The following MACROD2 variants were observed in gnomAD, a reference collection of about 807,000 sequenced individuals.
MACROD2 encodes the protein ADP-ribose glycohydrolase MACROD2.
MACROD2 carries 36 observed loss-of-function variants against 70.4 expected under a neutral mutation model. The ratio of observed to expected loss-of-function variants is 0.51; its 90% CI spans 0.39 to 0.68. The LOEUF (loss-of-function observed/expected upper bound fraction) is 0.68, where lower values mean the gene tolerates loss of function less well. Ranked by LOEUF, MACROD2 falls within the 30% of genes least tolerant of loss-of-function variation. The pLI, the probability that MACROD2 is intolerant of heterozygous loss-of-function variation, is 0.00. For missense variants in MACROD2, 496 were observed against 538.4 expected (o/e 0.92, Z 0.78); for synonymous variants, 172 against 178.8 (o/e 0.96, Z 0.30).
intron 7 of MACROD2, among the ~76,000 whole-genome samples, chr20:15,495,727 C>G (rs989149065): frequency 6.6e-6 from 1 of 152,182 alleles, no homozygotes; most frequent in Admixed American, 6.5e-5. Context: ...AGGGTTTTCA[C>G]TCTATTAAGG....
chr20:15,457,075 TAA>T (rs1169271655), intron 7 of MACROD2, among the ~76,000 whole-genome samples: 4 of 90,754 alleles, frequency 4.4e-5, no homozygotes, highest in African/African-American at 1.7e-4. Flanking sequence ...TTTTTTTTTT[TAA>T]AAAAAAAGCA....
At chr20:14,541,324 T>A (rs2085429242) in intron 4 of MACROD2, among the ~76,000 whole-genome samples, 1 of 152,118 alleles carries the variant, frequency 6.6e-6, no homozygotes, top group Non-Finnish European at 1.5e-5. Context: ...GGATCTCTCA[T>A]CCCCAGGATA....
At chr20:15,357,932 G>A (rs953353457) in intron 6 of MACROD2, among the ~76,000 whole-genome samples, 5 of 150,938 alleles carry the variant, frequency 3.3e-5, no homozygotes, top group African/African-American at 1.2e-4. Flanking sequence ...TCAGCCTCCC[G>A]ATTAGCTGGG....
chr20:14,465,357 C>T (rs1195111405), intron 3 of MACROD2, among the ~76,000 whole-genome samples: 1 of 151,982 alleles, frequency 6.6e-6, no homozygotes, highest in Non-Finnish European at 1.5e-5. Context: ...AGGATTGCAA[C>T]CCCTGCCTTT....
intron 3 of MACROD2, among the ~76,000 whole-genome samples, chr20:14,450,773 A>G (rs2084236360): frequency 6.6e-6 from 1 of 152,084 alleles, no homozygotes; most frequent in Admixed American, 6.6e-5. Context: ...CCTACTGAGA[A>G]ACATTAACAT....
intron 5 of MACROD2, among the ~76,000 whole-genome samples, chr20:14,866,544 A>G (rs2073429753): frequency 6.6e-6 from 1 of 152,154 alleles, no homozygotes; most frequent in African/African-American, 2.4e-5. Context: ...TTCATAATTT[A>G]GTAGATGACA....
rs925019703 is a variant in MACROD2 at position 15,191,925 on chromosome 20, TATATA to T, written c.419-38014_419-38010del. Among the ~76,000 whole-genome samples the T allele has an allele frequency of 1.8e-4, 10 of 55,036 alleles. 1 individual carries two copies. The highest frequency in any genetic ancestry group is 5.4e-4 in the African/African-American group (10 of 18,626). 36.1% of individuals were successfully genotyped at this position (55,036 alleles called of 152,430 possible). The stretch of plus-strand genomic sequence containing the variant: ...AAAACTACACATATGTGTATATATA[TATATA>T]TAGAGAGAGAGAGAGTTAATACATA... On this transcript the variant is annotated intron_variant, in intron 5 of 17. Coordinates refer to ENST00000684519, the MANE Select transcript of MACROD2 (RefSeq NM_001351661.2).
intron 4 of MACROD2, among the ~76,000 whole-genome samples, chr20:14,580,998 A>T (rs1192661185): frequency 6.6e-6 from 1 of 152,212 alleles, no homozygotes; most frequent in Non-Finnish European, 1.5e-5. Context: ...CTGTGAGAAT[A>T]TAAAACGAGT....
intron 8 of MACROD2, among the ~76,000 whole-genome samples, chr20:15,734,183 C>T (rs1184236179): frequency 6.6e-6 from 1 of 152,148 alleles, no homozygotes; most frequent in African/African-American, 2.4e-5. Context: ...TGCAAAGGCA[C>T]TAAGACCTGG....
chr20:14,178,290 A>G (rs2081279403), intron 3 of MACROD2, among the ~76,000 whole-genome samples: 1 of 152,228 alleles, frequency 6.6e-6, no homozygotes, highest in African/African-American at 2.4e-5. Flanking sequence ...ATAGATATGT[A>G]TTGAAATATC....
At chr20:15,529,778 C>T (rs1296459850) in intron 8 of MACROD2, among the ~76,000 whole-genome samples, 1 of 152,166 alleles carries the variant, frequency 6.6e-6, no homozygotes, top group East Asian at 1.9e-4. Context: ...CACCTTTGAC[C>T]GATTATGTTG....
chr20:14,027,756 A>G (rs564828614), intron 2 of MACROD2, among the ~76,000 whole-genome samples: 1 of 152,254 alleles, frequency 6.6e-6, no homozygotes, highest in East Asian at 1.9e-4. Context: ...CAGAACAGCA[A>G]AGATTGCTGC....
At chr20:15,727,933 G>A (rs1306460763) in intron 8 of MACROD2, among the ~76,000 whole-genome samples, 1 of 152,056 alleles carries the variant, frequency 6.6e-6, no homozygotes, top group Non-Finnish European at 1.5e-5. Context: ...TCTCTTGCCT[G>A]ATTGCTCTGA....
intron 8 of MACROD2, among the ~76,000 whole-genome samples, chr20:15,605,496 G>C (rs994417508): frequency 6.7e-6 from 1 of 149,716 alleles, no homozygotes; most frequent in African/African-American, 2.5e-5. Context: ...GTGTATCAGT[G>C]TTGGTTCTCA....
At chr20:15,558,120 A>G (rs1016555023) in intron 8 of MACROD2, among the ~76,000 whole-genome samples, 7 of 152,218 alleles carry the variant, frequency 4.6e-5, no homozygotes, top group African/African-American at 1.7e-4. Flanking sequence ...TTTCTCTACT[A>G]TCGTGTCAAT....
At chr20:14,819,297 A>T (rs1457496696) in intron 5 of MACROD2, among the ~76,000 whole-genome samples, 2 of 150,160 alleles carry the variant, frequency 1.3e-5, no homozygotes, top group Non-Finnish European at 3.0e-5. Flanking sequence ...CAAACAAAAA[A>T]CCCCCAAAAA....
At chr20:15,241,586 A>G (rs749373918) in intron 6 of MACROD2, among the ~76,000 whole-genome samples, 27 of 152,274 alleles carry the variant, frequency 1.8e-4, no homozygotes, top group Middle Eastern at 3.4e-3. Flanking sequence ...CCAGGCCTGT[A>G]TTACTGAAGA....
intron 3 of MACROD2, among the ~76,000 whole-genome samples, chr20:14,173,202 A>C: frequency 6.6e-6 from 1 of 151,892 alleles, no homozygotes; most frequent in East Asian, 1.9e-4. Context: ...GGCCAGGGAA[A>C]TTTTCCTCGA....
At chr20:14,208,375 A>G (rs2081543258) in intron 3 of MACROD2, among the ~76,000 whole-genome samples, 1 of 152,190 alleles carries the variant, frequency 6.6e-6, no homozygotes, top group Admixed American at 6.5e-5. Context: ...TGTTGTGGGT[A>G]CCTTTCTGGG....
Sources: gnomAD v4.1 joint callset for allele counts (sites outside exome capture counted in the v4.1 genomes callset) on GRCh38, gnomAD v4.1.1 for gene constraint, MANE v1.5 for transcripts, NCBI Gene and HGNC (gene_info 2026-07-23, HGNC 2026-07-21) for gene names.